Variants in FLG observed in about 807,000 individuals in gnomAD.
The protein encoded by FLG is epidermal filaggrin.
A neutral mutation model predicts 3.8 loss-of-function variants in FLG; 6 were observed. The ratio of observed to expected loss-of-function variants is 1.60; its 90% CI spans 0.87 to 3.15. FLG has a LOEUF of 3.15. FLG is among the 30% of genes most tolerant of loss of function. The pLI is 0.00. For missense variants in FLG, 7,595 were observed against 5,050.9 expected, an observed-to-expected ratio of 1.50 and a Z score of -15.27; for synonymous variants, 2,551 against 1,931.6, an observed-to-expected ratio of 1.32 and a Z score of -8.41.
rs778181683 is a variant in FLG, at chr1:152,314,248, CCTT to C, written c.635_637del (p.Glu212del). The C allele has an allele frequency of 7.4e-6, 12 of 1,613,266 alleles. No homozygotes were observed. The highest frequency in any genetic ancestry group is 1.1e-5 in the South Asian group (1 of 91,066). On this transcript the variant is annotated inframe_deletion, in exon 3 of 3. Transcript: ENST00000368799. Reference sequence around the variant, plus strand: ...TCCTGTATTTTCATAATCATATACTCCTTCTTCATTGTCTTCTTTCTCTTCAAG... The same window carrying C: ...TCCTGTATTTTCATAATCATATACTCCTTCATTGTCTTCTTTCTCTTCAAG...
chr1:152,310,542 A>G lies in FLG; in HGVS notation c.4344T>C (p.His1448=), dbSNP rs147463305. The G allele has an allele frequency of 8.1e-6, 13 of 1,613,782 alleles. No individual in the cohort carries two copies. The highest frequency in any genetic ancestry group is 5.3e-5 in the African/African-American group (4 of 74,938). ...GTCCGTGTGTGGACTCAGACTGTTC[A>G]TGAGAGCTCACCTGGTAGAGGAAAG... ...SRSFLYQVSS[H]EQSESTHGQT... The change falls in exon 3 of 3, where the codon CAT becomes CAC. Residue 1448 remains histidine (H), a synonymous_variant. Transcript: ENST00000368799.
chr1:152,319,950 A>T (rs1652902316), intron 1 of FLG, among the ~76,000 whole-genome samples: 1 of 151,454 alleles, frequency 6.6e-6, no homozygotes, highest in African/African-American at 2.4e-5. Context: ...ATTTAAGATA[A>T]ATAGAATTAA....
intron 1 of FLG, among the ~76,000 whole-genome samples, chr1:152,323,459 TAACTC>T (rs900286111): frequency 2.0e-5 from 3 of 151,714 alleles, no homozygotes; most frequent in African/African-American, 7.3e-5. Flanking sequence ...AAAATACAGT[TAACTC>T]AATGGAAAAA....
chr1:152,304,019 C>T lies in FLG; in HGVS notation c.10867G>A (p.Gly3623Arg), dbSNP rs1651767744. 1.1e-5 allele frequency: 18 copies of T among 1,613,804 alleles called. No homozygotes were observed. Among genetic ancestry groups the T allele is most frequent in the Non-Finnish European group, 1.5e-5 (18 of 1,180,016 alleles). The change falls in exon 3 of 3, where the codon GGA becomes AGA. Residue 3623 changes from glycine (G) to arginine (R), a missense_variant. Gly to Arg is a moderately radical substitution (Grantham distance 125). Transcript: ENST00000368799. ...SSHEQARSSAGERHGSHHQQS... is the reference protein window; with the variant it reads ...SSHEQARSSARERHGSHHQQS... Reference sequence around the variant, plus strand: ...TGGTGGTGGGATCCATGTCTCTCTCCTGCACTTGATCTTGCCTGTTCATGG... The same window carrying T: ...TGGTGGTGGGATCCATGTCTCTCTCTTGCACTTGATCTTGCCTGTTCATGG...
Position 152,310,936 on chromosome 1 carries a change from G to C in FLG, c.3950C>G (p.Ala1317Gly). ...GCTGTCTGCAGAGTGCCCGTGACTG[G>C]CTCTGTCTTCTTGATGGAACCCAGG... ...RHPGFHQEDR[A>G]SHGHSADSSR... The change falls in exon 3 of 3, where the codon GCC (alanine) becomes GGC (glycine). Residue 1317 changes from alanine (A) to glycine (G), a missense_variant. Ala to Gly is a moderately conservative substitution (Grantham distance 60). Coordinates refer to ENST00000368799, the MANE Select transcript of FLG (RefSeq NM_002016.2). The C allele has an allele frequency of 6.2e-7, 1 of 1,614,030 alleles. No homozygotes were observed. Among genetic ancestry groups the C allele is most frequent in the Non-Finnish European group, 8.5e-7 (1 of 1,180,020 alleles).
Position 152,304,474 on chromosome 1 carries a change from C to A in FLG, c.10412G>T (p.Gly3471Val). Residue 3471 changes from glycine (G) to valine (V), a missense_variant, in exon 3 of 3, where the codon GGA becomes GTA. Coordinates refer to ENST00000368799, the MANE Select transcript of FLG (RefSeq NM_002016.2). Reference sequence around the variant, plus strand: ...CTGCCCACGGGAGGCATCAGACCTTCCCTGGGATGTGGTGTGGCTGTGATG... The same window carrying A: ...CTGCCCACGGGAGGCATCAGACCTTACCTGGGATGTGGTGTGGCTGTGATG... Reference protein sequence around the residue: ...GSHHSHTTSQGRSDASRGQSG... With the variant: ...GSHHSHTTSQVRSDASRGQSG... 5 of 1,612,824 alleles carry A rather than the reference C, an allele frequency of 3.1e-6. No homozygotes were observed. The highest frequency in any genetic ancestry group is 4.2e-6 in the Non-Finnish European group (5 of 1,179,642).
rs71625197 is a variant in FLG at position 152,305,396 on chromosome 1, T to G, written c.9490A>C (p.Thr3164Pro). The G allele has an allele frequency of 1.2e-6, 2 of 1,605,080 alleles. No individual in the cohort carries two copies. Among genetic ancestry groups the G allele is most frequent in the South Asian group, 2.2e-5 (2 of 90,104 alleles). ...GQSGSRSASR[T>P]TRNEEQSGDS... ...CCTGATTGTTCCTCATTACGTGTTG[T>G]TCTGCTTGCACTTCTGGATCCTGAC... Residue 3164 changes from threonine to proline, a missense_variant, in exon 3 of 3, where the codon ACA (threonine) becomes CCA (proline). Physicochemically the swap from Thr to Pro is conservative, Grantham distance 38. Coordinates refer to ENST00000368799, the MANE Select transcript of FLG (RefSeq NM_002016.2).
chr1:152,306,204 G>A lies in FLG; in HGVS notation c.8682C>T (p.Asp2894=). ...CTTCTGAATGTCCCTCACTGTCACT[G>A]TCCTGGCTCACACTGGATCCCTGGC... ...SRRQGSSVSQ[D]SDSEGHSEDS... is the part of the protein sequence containing the mutation. The change falls in exon 3 of 3, where the codon GAC becomes GAT. Residue 2894 remains aspartate (D), a synonymous_variant. Coordinates refer to ENST00000368799, the MANE Select transcript of FLG (RefSeq NM_002016.2). 2 of 1,603,842 alleles carry A rather than the reference G, an allele frequency of 1.2e-6. No individual in the cohort carries two copies. Among genetic ancestry groups the A allele is most frequent in the South Asian group, 1.1e-5 (1 of 91,080 alleles).
At position 152,304,086 on chromosome 1, in the gene FLG, A is replaced by T; in HGVS notation, c.10800T>A (p.Thr3600=). The T allele has an allele frequency of 1.9e-6, 3 of 1,611,152 alleles. No individual in the cohort carries two copies. Among genetic ancestry groups the T allele is most frequent in the Non-Finnish European group, 2.5e-6 (3 of 1,179,696 alleles). Residue 3600 remains threonine, a synonymous_variant, in exon 3 of 3, where the codon ACT becomes ACA. Transcript: ENST00000368799. ...HSAESSRQSG[T]HHAENSSGGQ... The stretch of plus-strand genomic sequence containing the variant: ...CACCAGAGGAATTCTCTGCATGATG[A>T]GTGCCTGATTGTCTGGAGCTCTCTG...
chr1:152,312,468 G>T lies in FLG; in HGVS notation c.2418C>A (p.Ser806=). The change falls in exon 3 of 3, where the codon TCC becomes TCA. Residue 806 remains serine (S), a synonymous_variant. Transcript: ENST00000368799. ...CAGTGCTGGGCCCTGTCCATCCATG[G>T]GAGGACTCAGACTGTTTATGAGTGC... ...QVSTHKQSES[S]HGWTGPSTGV... 1 of 1,613,586 alleles carries T rather than the reference G, an allele frequency of 6.2e-7. No individual in the cohort carries two copies. The highest frequency in any genetic ancestry group is 8.5e-7 in the Non-Finnish European group (1 of 1,179,880).
At position 152,303,627 on chromosome 1, in the gene FLG, C is replaced by G. The variant is rs563905924; in HGVS notation, c.11259G>C (p.Glu3753Asp). 13 of 1,613,686 alleles carry G rather than the reference C, an allele frequency of 8.1e-6. No individual in the cohort carries two copies. The East Asian group carries it at 1.3e-4, about 17-fold the overall frequency. ...GGTGTCCACGAATGGTGTCCTGACCCTCTTGGGACGCTGAGTGCCTGGAGC... is the reference window on the plus strand; with the variant it reads ...GGTGTCCACGAATGGTGTCCTGACCGTCTTGGGACGCTGAGTGCCTGGAGC... The part of the protein sequence containing the change: ...RDSSRHSASQ[E>D]GQDTIRGHPG... The change falls in exon 3 of 3, where the codon GAG becomes GAC. Residue 3753 changes from glutamate (E) to aspartate (D), a missense_variant. Transcript: ENST00000368799.
In FLG at chr1:152,307,128, A is replaced by C. The variant is rs762471753; in HGVS notation, c.7758T>G (p.Ser2586=). 1 of 1,612,280 alleles carries C rather than the reference A, an allele frequency of 6.2e-7. No homozygotes were observed. Among genetic ancestry groups the C allele is most frequent in the East Asian group, 2.2e-5 (1 of 44,734 alleles). The change falls in exon 3 of 3, where the codon TCT becomes TCG. Residue 2586 remains serine (S), a synonymous_variant. Coordinates refer to ENST00000368799, the MANE Select transcript of FLG (RefSeq NM_002016.2). ...HSEDSERWSG[S]ASRNHHGSAQ... ...CAGATCCATGATGGTTTCTGGAAGCAGACCCAGACCACCTCTCAGAGTCTT... is the reference window on the plus strand; with the variant it reads ...CAGATCCATGATGGTTTCTGGAAGCCGACCCAGACCACCTCTCAGAGTCTT...
intron 1 of FLG, among the ~76,000 whole-genome samples, chr1:152,321,324 A>G (rs1198509574): frequency 6.6e-6 from 1 of 150,970 alleles, no homozygotes; most frequent in African/African-American, 2.4e-5. Flanking sequence ...AATGAAGGAA[A>G]TAATAAAGAT....
At position 152,306,505 on chromosome 1, in the gene FLG, C is replaced by A. The variant is rs780190112; in HGVS notation, c.8381G>T (p.Arg2794Ile). Reference sequence around the variant, plus strand: ...GTGGTGGTACCCCTGCCTTCCTCCTCTGCTTGACCCCGGGTGTCCACGAAT... The same window carrying A: ...GTGGTGGTACCCCTGCCTTCCTCCTATGCTTGACCCCGGGTGTCCACGAAT... ...DTIRGHPGSS[R>I]GGRQGYHHEH... Residue 2794 changes from arginine to isoleucine, a missense_variant, in exon 3 of 3, where the codon AGA becomes ATA. Arg to Ile is a moderately conservative substitution (Grantham distance 97). Coordinates refer to ENST00000368799, the MANE Select transcript of FLG (RefSeq NM_002016.2). The A allele has an allele frequency of 6.2e-7, 1 of 1,609,744 alleles. No homozygotes were observed. Among genetic ancestry groups the A allele is most frequent in the African/African-American group, 1.4e-5 (1 of 70,770 alleles).
In FLG at chr1:152,302,783, C is replaced by A; in HGVS notation, c.12103G>T (p.Asp4035Tyr). ...PRYYATYINK[D>Y]PGLCGHSSDI... ...CTAGAATGGCCACATAAACCTGGGTCCTTATTAATATACGTTGCATAATAC... is the reference window on the plus strand; with the variant it reads ...CTAGAATGGCCACATAAACCTGGGTACTTATTAATATACGTTGCATAATAC... Residue 4035 changes from aspartate to tyrosine, a missense_variant, in exon 3 of 3, where the codon GAC becomes TAC. Physicochemically the swap from Asp to Tyr is radical, Grantham distance 160 (BLOSUM62 -3). Coordinates refer to ENST00000368799, the MANE Select transcript of FLG (RefSeq NM_002016.2). 1 of 1,614,144 alleles carries A rather than the reference C, an allele frequency of 6.2e-7. No homozygotes were observed. Among genetic ancestry groups the A allele is most frequent in the Non-Finnish European group, 8.5e-7 (1 of 1,180,036 alleles).
In FLG at chr1:152,310,125, G is replaced by C. The variant is rs148518212; in HGVS notation, c.4761C>G (p.Ser1587Arg). 114 of 1,613,928 alleles carry C rather than the reference G, an allele frequency of 7.1e-5. No homozygotes were observed. The African/African-American group carries it at 1.1e-3, about 16-fold the overall frequency. ...GQGESAGSKT[S>R]RRQGSSVSQD... is the part of the protein sequence containing the mutation. ...GACTAACACTGGATCCCTGGCGCCT[G>C]CTTGTCTTGGACCCCGCTGATTCTC... is the stretch of plus-strand genomic sequence containing the variant. Residue 1587 changes from serine to arginine, a missense_variant, in exon 3 of 3, where the codon AGC becomes AGG. Transcript: ENST00000368799.
Position 152,306,589 on chromosome 1 carries a change from C to T in FLG, c.8297G>A (p.Arg2766His), listed in dbSNP as rs149198367. ...GPSTRGRQGS[R>H]HEQAQDSSRH... ...GGAGCTGTCTTGTGCCTGCTCATGG[C>T]GGGATCCTTGTCTTCCTCTAGTGCT... The change falls in exon 3 of 3, where the codon CGC becomes CAC. Residue 2766 changes from arginine to histidine, a missense_variant. Arg to His is a conservative substitution (Grantham distance 29). Transcript: ENST00000368799. 2.1e-3 allele frequency: 3,396 copies of T among 1,607,572 alleles called. 49 individuals are homozygous for T. Among genetic ancestry groups the T allele is most frequent in the African/African-American group, 0.015 (1,063 of 70,240 alleles).
chr1:152,307,395 G>A lies in FLG; in HGVS notation c.7491C>T (p.Ser2497=). ...HSGSHHSHTT[S]QGRSDASHGH... ...CATGGGAGGCATCAGACCTTCCCTG[G>A]GATGTGGTGTGGCTGTGATGAGACC... The change falls in exon 3 of 3, where the codon TCC becomes TCT. Residue 2497 remains serine, a synonymous_variant. Transcript: ENST00000368799. The A allele has an allele frequency of 6.2e-7, 1 of 1,613,184 alleles. No homozygotes were observed. The highest frequency in any genetic ancestry group is 1.1e-5 in the South Asian group (1 of 91,014).
chr1:152,318,584 C>A (rs921161160), intron 1 of FLG, among the ~76,000 whole-genome samples: 1 of 151,860 alleles, frequency 6.6e-6, no homozygotes, highest in Non-Finnish European at 1.5e-5. Context: ...AAAATCTACA[C>A]TCCTTTCTGA....
Sources: gnomAD v4.1 joint callset for allele counts (sites outside exome capture counted in the v4.1 genomes callset) on GRCh38, gnomAD v4.1.1 for gene constraint, MANE v1.5 for transcripts, NCBI Gene and HGNC (gene_info 2026-07-23, HGNC 2026-07-21) for gene names.